Variants in ITGA9 observed in about 807,000 individuals in gnomAD.
ITGA9 encodes integrin alpha-9.
Under a neutral mutation model 127.8 loss-of-function variants are expected in ITGA9, and 56 were observed. The ratio of observed to expected loss-of-function variants is 0.44; its 90% CI spans 0.35 to 0.55. ITGA9 has a LOEUF of 0.55. Among genes scored for constraint, ITGA9 ranks in the 20% least tolerant of loss-of-function variants. ITGA9 has a pLI of 0.00. For synonymous variants in ITGA9, 508 were observed against 514.5 expected, an observed-to-expected ratio of 0.99 and a Z score of 0.17; for missense variants, 1,196 against 1,347.1, an observed-to-expected ratio of 0.89 and a Z score of 1.76.
intron 15 of ITGA9, among the ~76,000 whole-genome samples, chr3:37,611,808 G>A (rs1294903839): frequency 6.6e-6 from 1 of 152,058 alleles, no homozygotes; most frequent in African/African-American, 2.4e-5. Context: ...GGCCTGCCCT[G>A]GGAAGGTCAG....
chr3:37,692,906 G>A (rs917642279), intron 18 of ITGA9, among the ~76,000 whole-genome samples: 1 of 152,186 alleles, frequency 6.6e-6, no homozygotes, highest in African/African-American at 2.4e-5. Context: ...AGTAAGTGAG[G>A]TCTTGACTGA....
chr3:37,669,641 GA>G (rs905516047), intron 17 of ITGA9, among the ~76,000 whole-genome samples: 3 of 150,930 alleles, frequency 2.0e-5, no homozygotes, highest in Admixed American at 2.0e-4. Flanking sequence ...TAGTGGGAGA[GA>G]AAAAAAAACA....
chr3:37,580,351 C>G (rs1699698310), intron 15 of ITGA9, among the ~76,000 whole-genome samples: 1 of 152,178 alleles, frequency 6.6e-6, no homozygotes, highest in Admixed American at 6.5e-5. Flanking sequence ...GGGGCTTTCC[C>G]TTTTGCTCTG....
chr3:37,694,525 T>C (rs1700864656), intron 18 of ITGA9, among the ~76,000 whole-genome samples: 1 of 152,214 alleles, frequency 6.6e-6, no homozygotes, highest in Non-Finnish European at 1.5e-5. Context: ...CTTTCACGTA[T>C]ATGAAAAGCT....
chr3:37,801,314 A>AG (rs1697232618), intron 26 of ITGA9, among the ~76,000 whole-genome samples: 1 of 151,996 alleles, frequency 6.6e-6, no homozygotes, highest in African/African-American at 2.4e-5. Context: ...ACTGGAAGGA[A>AG]GGGGGAAGGG....
intron 13 of ITGA9, among the ~76,000 whole-genome samples, chr3:37,530,564 G>A (rs1464416450): frequency 6.6e-6 from 1 of 152,000 alleles, no homozygotes; most frequent in East Asian, 1.9e-4. Context: ...GGCACCAGGG[G>A]TGAAGGCTCT....
intron 9 of ITGA9, among the ~76,000 whole-genome samples, 182 bp from the exon 10 acceptor site, chr3:37,517,322 A>G (rs995880870): frequency 2.6e-5 from 4 of 152,204 alleles, no homozygotes; most frequent in Non-Finnish European, 5.9e-5. Flanking sequence ...AGCAGGTAAA[A>G]GGGACGCATT....
At chr3:37,507,534 G>T (rs370903754) in intron 7 of ITGA9, among the ~76,000 whole-genome samples, 25 of 152,068 alleles carry the variant, frequency 1.6e-4, no homozygotes, top group South Asian at 8.3e-4. Context: ...CTATCTGGGG[G>T]GTGCAAGGTA....
intron 18 of ITGA9, among the ~76,000 whole-genome samples, chr3:37,714,258 A>G (rs1439374662): frequency 6.6e-6 from 1 of 152,206 alleles, no homozygotes; most frequent in African/African-American, 2.4e-5. Context: ...CAAAATGATG[A>G]AGGTACTCTG....
At chr3:37,750,394 T>C (rs923884371) in intron 22 of ITGA9, 68 bp from the exon 23 acceptor site, 9 of 921,864 alleles carry the variant, frequency 9.8e-6, no homozygotes, top group African/African-American at 3.2e-5. Flanking sequence ...AGAATATATA[T>C]TGCATGACAG....
At chr3:37,621,386 C>T (rs950634899) in intron 15 of ITGA9, among the ~76,000 whole-genome samples, 1 of 152,240 alleles carries the variant, frequency 6.6e-6, no homozygotes, top group Non-Finnish European at 1.5e-5. Flanking sequence ...TGCACTCTTT[C>T]GTTGTTCCCC....
intron 23 of ITGA9, among the ~76,000 whole-genome samples, chr3:37,773,587 T>A (rs1301051820): frequency 7.1e-6 from 1 of 140,208 alleles, no homozygotes; most frequent in Non-Finnish European, 1.6e-5. Context: ...TAAATTTAAC[T>A]CTCTTTTTTT....
At chr3:37,710,753 A>G (rs1171680944) in intron 18 of ITGA9, among the ~76,000 whole-genome samples, 1 of 152,278 alleles carries the variant, frequency 6.6e-6, no homozygotes, top group Non-Finnish European at 1.5e-5. Flanking sequence ...ACCCCACTTA[A>G]TGGCCAAAAT....
At chr3:37,566,079 A>C (rs1699543993) in intron 15 of ITGA9, among the ~76,000 whole-genome samples, 2 of 152,200 alleles carry the variant, frequency 1.3e-5, no homozygotes, top group Non-Finnish European at 2.9e-5. Context: ...TTTAATCTTG[A>C]AATAGTTTAA....
intron 24 of ITGA9, 103 bp downstream of exon 24, chr3:37,777,620 A>G (rs1012788589): frequency 1.2e-5 from 16 of 1,356,564 alleles, no homozygotes; most frequent in Middle Eastern, 2.5e-4. Flanking sequence ...GTTTTAATCA[A>G]TTTGACTTAC....
chr3:37,614,321 T>G (rs1700052908), intron 15 of ITGA9, among the ~76,000 whole-genome samples: 1 of 151,840 alleles, frequency 6.6e-6, no homozygotes, highest in South Asian at 2.1e-4. Context: ...TCCATTGATC[T>G]ATATCTCTGT....
chr3:37,464,982 A>T (rs985095131), intron 1 of ITGA9, among the ~76,000 whole-genome samples: 1 of 150,820 alleles, frequency 6.6e-6, no homozygotes, highest in Non-Finnish European at 1.5e-5. Flanking sequence ...CGTGGTGGAC[A>T]CACAGTGAAG....
At chr3:37,486,775 A>G (rs769345816) in intron 4 of ITGA9, among the ~76,000 whole-genome samples, 1 of 152,206 alleles carries the variant, frequency 6.6e-6, no homozygotes, top group Non-Finnish European at 1.5e-5. Context: ...AACTCATGCC[A>G]TGTTTAAATG....
chr3:37,683,591 G>C (rs559229011), intron 17 of ITGA9, among the ~76,000 whole-genome samples: 7 of 152,354 alleles, frequency 4.6e-5, no homozygotes, highest in South Asian at 2.1e-4. Context: ...AGGTTGTTAA[G>C]TGCCTTATAG....
Sources: gnomAD v4.1 joint callset for allele counts (sites outside exome capture counted in the v4.1 genomes callset) on GRCh38, gnomAD v4.1.1 for gene constraint, MANE v1.5 for transcripts, NCBI Gene and HGNC (gene_info 2026-07-23, HGNC 2026-07-21) for gene names.